Variants in CDK12 observed in about 807,000 individuals in gnomAD.
CDK12 encodes cyclin-dependent kinase 12.
CDK12 carries 17 observed loss-of-function variants against 133.8 expected under a neutral mutation model. The ratio of observed to expected loss-of-function variants is 0.13; its 90% confidence interval spans 0.09 to 0.19. The LOEUF is 0.19. CDK12 is among the 10% of genes least tolerant of loss of function. The pLI, the probability that CDK12 is intolerant of heterozygous loss-of-function variation, is 1.00. For missense variants in CDK12, 1,508 were observed against 1,818.7 expected (o/e 0.83, Z 3.11); for synonymous variants, 694 against 683.6 (o/e 1.02, Z -0.24).
At chr17:39,542,648 T>G (rs1314063723) in intron 1 of CDK12, among the ~76,000 whole-genome samples, 1 of 151,956 alleles carries the variant, frequency 6.6e-6, no homozygotes, top group African/African-American at 2.4e-5. Flanking sequence ...GTAGCTGGGA[T>G]TACAGGCATG....
Position 39,471,428 on chromosome 17 carries a change from T to G in CDK12, c.1596T>G (p.Ile532Met). ...AGACCCCTCCACCTCTTCCCACAAT[T>G]GCTTCTCCCCCACCCCCTCTACCAA... ...EKETPPPLPT[I>M]ASPPPPLPTT... Residue 532 changes from isoleucine (I) to methionine (M), a missense_variant, in exon 2 of 14, where the codon ATT (isoleucine) becomes ATG (methionine). This residue lies in a region of CDK12 where 347 missense variants were observed against 330.8 expected (regional missense o/e 1.05). Transcript: ENST00000447079. 6.2e-7 allele frequency: 1 copy of G among 1,613,624 alleles called. No homozygotes were observed. The highest frequency in any genetic ancestry group is 1.3e-5 in the African/African-American group (1 of 74,928).
At chr17:39,504,714 A>C (rs971004826) in intron 6 of CDK12, among the ~76,000 whole-genome samples, 4 of 151,606 alleles carry the variant, frequency 2.6e-5, no homozygotes, top group Admixed American at 2.0e-4. Context: ...TTCTGTCTCT[A>C]CTAAAAGTAC....
intron 9 of CDK12, among the ~76,000 whole-genome samples, chr17:39,516,143 T>C (rs971238687): frequency 6.6e-6 from 1 of 152,210 alleles, no homozygotes; most frequent in Non-Finnish European, 1.5e-5. Context: ...AGATTACTTT[T>C]AACATTAAAC....
intron 3 of CDK12, among the ~76,000 whole-genome samples, chr17:39,563,685 A>G (rs1258250600): frequency 6.6e-6 from 1 of 152,104 alleles, no homozygotes; most frequent in Admixed American, 6.5e-5. Context: ...GCCTGCGGAA[A>G]GAGCGCAGGA....
At chr17:39,523,943 G>A (rs1034089522) in intron 11 of CDK12, among the ~76,000 whole-genome samples, 2 of 152,150 alleles carry the variant, frequency 1.3e-5, no homozygotes, top group Admixed American at 6.5e-5. Context: ...GAGCTGCCGC[G>A]CCCAGCCAAA....
chr17:39,490,203 C>T (rs954864711), intron 2 of CDK12, among the ~76,000 whole-genome samples: 1 of 150,540 alleles, frequency 6.6e-6, no homozygotes, highest in Non-Finnish European at 1.5e-5. Context: ...CCCATCTCTA[C>T]TAAAAATACA....
intron 6 of CDK12, among the ~76,000 whole-genome samples, chr17:39,506,159 CAG>C (rs962175125): frequency 1.3e-4 from 19 of 149,708 alleles, no homozygotes; most frequent in African/African-American, 4.4e-4. Flanking sequence ...CAGGAATTAA[CAG>C]AGAGAGGAAA....
chr17:39,483,231 A>C (rs1403378424), intron 2 of CDK12, among the ~76,000 whole-genome samples: 1 of 151,780 alleles, frequency 6.6e-6, no homozygotes, highest in Non-Finnish European at 1.5e-5. Context: ...ATTTTTGATA[A>C]AAGTTTGTAA....
chr17:39,462,096 G>A lies in CDK12; in HGVS notation c.25G>A (p.Gly9Ser). MPNSERHG[G>S]KKDGSGGASG... is the part of the protein sequence containing the mutation. The stretch of plus-strand genomic sequence containing the variant: ...AATGCCCAATTCAGAGAGACATGGG[G>A]GCAAGAAGGACGGGAGTGGAGGAGC... Residue 9 changes from glycine to serine, a missense_variant, in exon 1 of 14, where the codon GGC (glycine) becomes AGC (serine). This residue lies in a region of CDK12 where 460 missense variants were observed against 490.8 expected (regional missense o/e 0.94). Coordinates refer to ENST00000447079, the MANE Select transcript of CDK12 (RefSeq NM_016507.4). The A allele has an allele frequency of 6.2e-7, 1 of 1,614,020 alleles. No individual in the cohort carries two copies.
chr17:39,501,632 C>T (rs190306167), intron 6 of CDK12, among the ~76,000 whole-genome samples, 193 bp downstream of exon 6: 3 of 152,112 alleles, frequency 2.0e-5, no homozygotes, highest in Non-Finnish European at 4.4e-5. Context: ...TCTCAGTTAC[C>T]AGCTTTCTGA....
At chr17:39,505,309 G>A (rs1485693460) in intron 6 of CDK12, among the ~76,000 whole-genome samples, 2 of 150,990 alleles carry the variant, frequency 1.3e-5, no homozygotes, top group Admixed American at 6.6e-5. Context: ...GGCAGATCAC[G>A]AGGTCAAGAG....
rs1223555607 is a variant in CDK12, at chr17:39,471,427, T to G, written c.1595T>G (p.Ile532Ser). 3.1e-6 allele frequency: 5 copies of G among 1,613,198 alleles called. No individual in the cohort carries two copies. The South Asian group carries it at 4.4e-5, about 14-fold the overall frequency. Residue 532 changes from isoleucine to serine, a missense_variant, in exon 2 of 14, where the codon ATT becomes AGT. Physicochemically the swap from Ile to Ser is moderately radical, Grantham distance 142. Transcript: ENST00000447079. ...GAGACCCCTCCACCTCTTCCCACAA[T>G]TGCTTCTCCCCCACCCCCTCTACCA... is the stretch of plus-strand genomic sequence containing the variant. The part of the protein sequence containing the change: ...EKETPPPLPT[I>S]ASPPPPLPTT...
At chr17:39,562,001 G>A (rs1223945574) in intron 3 of CDK12, among the ~76,000 whole-genome samples, 8 of 152,098 alleles carry the variant, frequency 5.3e-5, no homozygotes, top group Non-Finnish European at 8.8e-5. Context: ...GTGCAGTGGC[G>A]CGATCTCGGC....
intron 2 of CDK12, among the ~76,000 whole-genome samples, chr17:39,472,369 A>G (rs574915828): frequency 1.3e-5 from 2 of 152,144 alleles, no homozygotes; most frequent in African/African-American, 4.8e-5. Flanking sequence ...ATTAATACCT[A>G]TAGAAAAATT....
At chr17:39,543,167 GATT>G (rs746778456), upstream of CDK12, among the ~76,000 whole-genome samples, 3 of 152,234 alleles carry the variant, frequency 2.0e-5, no homozygotes, top group Non-Finnish European at 2.9e-5. Flanking sequence ...TATGCTCTGA[GATT>G]ACAGGAAAAT....
chr17:39,523,023 T>C (rs1049030859), intron 11 of CDK12, among the ~76,000 whole-genome samples: 3 of 151,860 alleles, frequency 2.0e-5, no homozygotes, highest in Non-Finnish European at 4.4e-5. Flanking sequence ...AGTGCATTCC[T>C]GCCTAGACCA....
chr17:39,513,234 TCACA>T (rs2053599687), intron 8 of CDK12, among the ~76,000 whole-genome samples: 1 of 152,232 alleles, frequency 6.6e-6, no homozygotes, highest in Non-Finnish European at 1.5e-5. Context: ...TTATGCCCAG[TCACA>T]CACTGTCCTT....
At position 39,462,191 on chromosome 17, in the gene CDK12, G is replaced by C; in HGVS notation, c.120G>C (p.Ser40=). The C allele has an allele frequency of 6.2e-7, 1 of 1,614,198 alleles. No individual in the cohort carries two copies. The highest frequency in any genetic ancestry group is 8.5e-7 in the Non-Finnish European group (1 of 1,180,030). The change falls in exon 1 of 14, where the codon TCG becomes TCC. Residue 40 remains serine (S), a synonymous_variant. Coordinates refer to ENST00000447079, the MANE Select transcript of CDK12 (RefSeq NM_016507.4). ...SNSRERHRLV[S]KHKRHKSKHS... ...GCAGAGAGCGTCACCGCTTGGTATC[G>C]AAGCACAAGCGGCATAAGTCCAAAC... is the stretch of plus-strand genomic sequence containing the variant.
intron 1 of CDK12, among the ~76,000 whole-genome samples, chr17:39,466,728 T>G (rs1445079271): frequency 1.5e-5 from 2 of 134,702 alleles, no homozygotes; most frequent in Non-Finnish European, 3.1e-5. Flanking sequence ...GGAGACACAA[T>G]ATGGTAGCGT....
Sources: allele counts gnomAD v4.1 joint callset (sites outside exome capture counted in the v4.1 genomes callset), GRCh38; gene constraint gnomAD v4.1.1; regional missense constraint gnomAD v4.1.1; transcripts MANE v1.5; gene names NCBI Gene and HGNC (gene_info 2026-07-23, HGNC 2026-07-21).